CCDC125: variants seen among roughly 807,000 people sequenced by gnomAD.
The protein encoded by CCDC125 is coiled-coil domain-containing protein 125.
In CCDC125, 43 loss-of-function variants were observed where a neutral mutation model predicts 57.4. The ratio of observed to expected loss-of-function variants is 0.75; its 90% CI spans 0.59 to 0.97. The LOEUF (loss-of-function observed/expected upper bound fraction) is 0.97, where lower values mean the gene tolerates loss of function less well. Among genes scored for constraint, CCDC125 ranks in the 50% least tolerant of loss-of-function variants. The pLI is 0.00. For synonymous variants in CCDC125, 187 were observed against 195.2 expected (o/e 0.96, Z 0.35); for missense variants, 563 against 595.7 (o/e 0.95, Z 0.57).
Position 69,303,934 on chromosome 5 carries a change from A to G in CCDC125, c.618-5T>C, listed in dbSNP as rs776907767. On this transcript the variant is annotated splice_region_variant and splice_polypyrimidine_tract_variant and intron_variant, in intron 6 of 11. Transcript: ENST00000396496. ...ACTGCATTTTCACAGTTTAGCCTGG[A>G]AAAAAGTGGCTTTCAAATAACTAAA... The G allele has an allele frequency of 3.9e-6, 6 of 1,557,796 alleles. No individual in the cohort carries two copies. The highest frequency in any genetic ancestry group is 5.2e-6 in the Non-Finnish European group (6 of 1,150,396).
At chr5:69,285,190 C>G (rs1395846936) in intron 11 of CCDC125, 147 bp downstream of exon 11, 4 of 569,912 alleles carry the variant, frequency 7.0e-6, no homozygotes, top group Non-Finnish European at 1.2e-5. Context: ...ATATATATAT[C>G]AAAAAGATCT....
chr5:69,290,609 C>A lies in CCDC125; in HGVS notation c.1099+1579G>T, dbSNP rs189446054. Reference sequence around the variant, plus strand: ...TGAGCCACCGCACATGGCCAGGTTTCTTTTTTTTTTCTTTTTTTTCTTTTT... The same window carrying A: ...TGAGCCACCGCACATGGCCAGGTTTATTTTTTTTTTCTTTTTTTTCTTTTT... On this transcript the variant is annotated intron_variant, in intron 10 of 11. Coordinates refer to ENST00000396496, the MANE Select transcript of CCDC125 (RefSeq NM_176816.5). 3.2e-3 allele frequency among the ~76,000 whole-genome samples: 385 copies of A among 120,674 alleles called. 4 individuals are homozygous for A. Among genetic ancestry groups the A allele is most frequent in the African/African-American group, 0.011 (374 of 32,756 alleles). 79.2% of individuals were successfully genotyped at this position (120,674 alleles called of 152,430 possible).
intron 4 of CCDC125, 101 bp from the exon 5 acceptor site, chr5:69,308,129 T>G: frequency 1.2e-6 from 1 of 822,976 alleles, no homozygotes; most frequent in Non-Finnish European, 2.0e-6. Flanking sequence ...AAAATTAAGA[T>G]GAATTGACAT....
At chr5:69,325,326 A>C (rs1200413652) in intron 1 of CCDC125, among the ~76,000 whole-genome samples, 1 of 34,532 alleles carries the variant, frequency 2.9e-5, no homozygotes. Flanking sequence ...ATTCTGTCTC[A>C]AAAAAAAAAA....
chr5:69,330,216 T>G (rs1047851707), intron 1 of CCDC125, among the ~76,000 whole-genome samples: 4 of 152,184 alleles, frequency 2.6e-5, no homozygotes, highest in African/African-American at 7.2e-5. Context: ...TCCTGTCCCT[T>G]TTGTAAATGT....
At chr5:69,306,263 C>T (rs1192376251) in intron 6 of CCDC125, among the ~76,000 whole-genome samples, 2 of 152,030 alleles carry the variant, frequency 1.3e-5, no homozygotes, top group African/African-American at 4.8e-5. Flanking sequence ...CAAATAGTTC[C>T]AATTCTAAAA....
intron 10 of CCDC125, among the ~76,000 whole-genome samples, chr5:69,286,714 A>C (rs928554038): frequency 5.3e-5 from 8 of 152,110 alleles, no homozygotes; most frequent in East Asian, 3.8e-4. Flanking sequence ...GTACAAGGAA[A>C]ATTTCAAGAA....
downstream of CCDC125, among the ~76,000 whole-genome samples, chr5:69,278,284 C>T (rs928932208): frequency 6.6e-6 from 1 of 152,026 alleles, no homozygotes; most frequent in Non-Finnish European, 1.5e-5. Flanking sequence ...TGGCTCACTG[C>T]AACCTCCACC....
chr5:69,313,318 C>T, intron 3 of CCDC125: 5 of 850,526 alleles, frequency 5.9e-6, no homozygotes, highest in East Asian at 2.7e-5. Context: ...CCTGCAACCC[C>T]CGAGGACAGG....
chr5:69,307,726 A>T (rs1757557703), intron 5 of CCDC125: 1 of 509,248 alleles, frequency 2.0e-6, no homozygotes, highest in African/African-American at 1.9e-5. Context: ...CCAATTTGGC[A>T]GGCCTCCTAC....
chr5:69,323,499 C>T (rs1390757228), intron 1 of CCDC125, among the ~76,000 whole-genome samples: 4 of 152,064 alleles, frequency 2.6e-5, no homozygotes, highest in African/African-American at 9.7e-5. Flanking sequence ...GCAAATTCGT[C>T]TTTGTTTTTG....
chr5:69,292,207 C>T lies in CCDC125; in HGVS notation c.1080G>A (p.Trp360Ter), dbSNP rs1269708754. ...AGTTACCATCCTCTTTAAGGTGCTTCCAATTCATCCATTTTGTTGCTTTTT... is the reference window on the plus strand; with the variant it reads ...AGTTACCATCCTCTTTAAGGTGCTTTCAATTCATCCATTTTGTTGCTTTTT... ...MHKKATKWMN[W>*]KHLKEDGFPS... Residue 360 changes from tryptophan to a stop codon, truncating the protein, a stop_gained, in exon 10 of 12, where the codon TGG (tryptophan) becomes TGA (stop). Transcript: ENST00000396496. LOFTEE classifies it high-confidence loss of function. The T allele has an allele frequency of 6.2e-7, 1 of 1,613,126 alleles. No homozygotes were observed. Among genetic ancestry groups the T allele is most frequent in the Non-Finnish European group, 8.5e-7 (1 of 1,179,776 alleles).
intron 1 of CCDC125, among the ~76,000 whole-genome samples, chr5:69,328,552 C>G (rs1401039055): frequency 1.3e-5 from 2 of 151,846 alleles, no homozygotes; most frequent in Non-Finnish European, 2.9e-5. Flanking sequence ...ATGATAAATG[C>G]TCACATATAC....
chr5:69,302,313 T>C (rs1234175046), intron 7 of CCDC125, among the ~76,000 whole-genome samples: 3 of 144,602 alleles, frequency 2.1e-5, no homozygotes, highest in Non-Finnish European at 4.5e-5. Context: ...TCCCAGCTTC[T>C]TGGGAGGCTG....
chr5:69,300,814 C>T (rs1276925856), intron 7 of CCDC125, among the ~76,000 whole-genome samples: 1 of 126,752 alleles, frequency 7.9e-6, no homozygotes, highest in African/African-American at 2.7e-5. Flanking sequence ...CATAAAGTGC[C>T]GCTCTCAGCC....
chr5:69,310,304 G>A (rs1040993039), intron 4 of CCDC125: 1 of 152,268 alleles, frequency 6.6e-6, no homozygotes, highest in Non-Finnish European at 1.5e-5. Flanking sequence ...TTGTGAGAGG[G>A]ACCCAGTGGG....
chr5:69,306,378 A>T (rs760874904), intron 6 of CCDC125, among the ~76,000 whole-genome samples: 5 of 152,086 alleles, frequency 3.3e-5, no homozygotes, highest in Non-Finnish European at 5.9e-5. Flanking sequence ...ATCCAGGCTG[A>T]AGTGCAGTGG....
chr5:69,301,469 A>G (rs1360781908), intron 7 of CCDC125, among the ~76,000 whole-genome samples: 1 of 150,038 alleles, frequency 6.7e-6, no homozygotes, highest in Non-Finnish European at 1.5e-5. Context: ...GTCTACAAAA[A>G]TTTTTTTTTT....
intron 2 of CCDC125, among the ~76,000 whole-genome samples, chr5:69,317,261 A>T (rs2150573463): frequency 6.6e-6 from 1 of 152,222 alleles, no homozygotes; most frequent in South Asian, 2.1e-4. Context: ...CACCCACCCC[A>T]GTCTCCCAAA....
Sources: allele counts gnomAD v4.1 joint callset (sites outside exome capture counted in the v4.1 genomes callset), GRCh38; gene constraint gnomAD v4.1.1; transcripts MANE v1.5; gene names NCBI Gene and HGNC (gene_info 2026-07-23, HGNC 2026-07-21).